Variants in MICU2 observed in about 807,000 individuals in gnomAD.
The protein encoded by MICU2 is mitochondrial calcium uptake 2.
In MICU2, 64 loss-of-function variants were observed where a neutral mutation model predicts 60.4. That is an observed-to-expected ratio of 1.06 (90% CI 0.87 to 1.31). The LOEUF (loss-of-function observed/expected upper bound fraction) is 1.31. Among genes scored for constraint, MICU2 ranks in the 50% most tolerant of loss-of-function variants. MICU2 has a pLI of 0.00. For synonymous variants in MICU2, 201 were observed against 175.0 expected (o/e 1.15, Z -1.17); for missense variants, 569 against 531.0 (o/e 1.07, Z -0.70).
intron 1 of MICU2, among the ~76,000 whole-genome samples, chr13:21,575,255 A>C (rs1027822321): frequency 6.6e-6 from 1 of 152,136 alleles, no homozygotes; most frequent in Non-Finnish European, 1.5e-5. Context: ...CTGATGAGTA[A>C]ATAAACAAGC....
chr13:21,516,259 T>A (rs1886567817), intron 6 of MICU2, among the ~76,000 whole-genome samples: 1 of 152,280 alleles, frequency 6.6e-6, no homozygotes, highest in Admixed American at 6.5e-5. Context: ...CAGTTCTGAT[T>A]TTTTTCCCCA....
intron 2 of MICU2, among the ~76,000 whole-genome samples, chr13:21,559,387 A>C (rs544832191): frequency 6.6e-6 from 1 of 152,266 alleles, no homozygotes; most frequent in Non-Finnish European, 1.5e-5. Context: ...TTACACATAT[A>C]TCCCACTGCA....
chr13:21,517,530 C>T (rs1886599466), intron 6 of MICU2, among the ~76,000 whole-genome samples: 1 of 152,144 alleles, frequency 6.6e-6, no homozygotes, highest in Admixed American at 6.5e-5. Context: ...AATCCCAGCA[C>T]TTTGGGAGGC....
At chr13:21,551,574 C>T (rs1593340296) in intron 2 of MICU2, among the ~76,000 whole-genome samples, 1 of 142,944 alleles carries the variant, frequency 7.0e-6, no homozygotes, top group South Asian at 2.4e-4. Flanking sequence ...TCTCCTAATG[C>T]TATCCCTCCC....
chr13:21,576,542 T>C (rs1199806154), intron 1 of MICU2, among the ~76,000 whole-genome samples: 2 of 152,214 alleles, frequency 1.3e-5, no homozygotes, highest in East Asian at 1.9e-4. Flanking sequence ...CTATCCCTTC[T>C]TGGGGAACAG....
chr13:21,569,577 T>C (rs1313358087), intron 1 of MICU2, among the ~76,000 whole-genome samples: 3 of 152,022 alleles, frequency 2.0e-5, no homozygotes, highest in African/African-American at 7.3e-5. Flanking sequence ...ATTGAGCATT[T>C]ACTAATTTGA....
chr13:21,550,521 G>A (rs1461203861), intron 2 of MICU2, among the ~76,000 whole-genome samples: 1 of 152,194 alleles, frequency 6.6e-6, no homozygotes, highest in Non-Finnish European at 1.5e-5. Flanking sequence ...TTGGACCACA[G>A]AGTAAGACGC....
intron 8 of MICU2, among the ~76,000 whole-genome samples, chr13:21,504,897 G>T (rs1399221906): frequency 6.6e-6 from 1 of 152,132 alleles, no homozygotes; most frequent in Non-Finnish European, 1.5e-5. Context: ...TGAGACAGAT[G>T]ATTGTTAAAC....
intron 2 of MICU2, among the ~76,000 whole-genome samples, chr13:21,552,485 T>A (rs1217035924): frequency 6.6e-6 from 1 of 152,256 alleles, no homozygotes; most frequent in Non-Finnish European, 1.5e-5. Context: ...TTTGGTGTTT[T>A]AGACATGAAG....
chr13:21,544,279 G>A (rs1412851571), intron 2 of MICU2, among the ~76,000 whole-genome samples: 1 of 151,894 alleles, frequency 6.6e-6, no homozygotes, highest in Non-Finnish European at 1.5e-5. Flanking sequence ...GACCTCAAAA[G>A]CACAGACAAC....
chr13:21,495,932 T>C, intron 10 of MICU2, 120 bp downstream of exon 10: 1 of 653,884 alleles, frequency 1.5e-6, no homozygotes, highest in South Asian at 2.1e-5. Flanking sequence ...CACACTGAAT[T>C]AAAAGGTCAA....
At chr13:21,495,890 C>T (rs547357732) in intron 10 of MICU2, 162 bp downstream of exon 10, 1 of 556,494 alleles carries the variant, frequency 1.8e-6, no homozygotes, top group South Asian at 2.5e-5. Flanking sequence ...AACCATTAAA[C>T]TGGAGTACTG....
chr13:21,560,868 G>C (rs1393279697), intron 2 of MICU2, among the ~76,000 whole-genome samples: 1 of 152,128 alleles, frequency 6.6e-6, no homozygotes, highest in Non-Finnish European at 1.5e-5. Flanking sequence ...ATATTATATT[G>C]ATTTGATTCA....
intron 2 of MICU2, among the ~76,000 whole-genome samples, chr13:21,554,735 A>G (rs1450583474): frequency 1.3e-5 from 2 of 152,320 alleles, no homozygotes; most frequent in East Asian, 3.9e-4. Flanking sequence ...TGAATCCAGG[A>G]GCTGGTTTTT....
intron 2 of MICU2, among the ~76,000 whole-genome samples, chr13:21,557,364 A>G (rs149504039): frequency 1.3e-5 from 2 of 152,332 alleles, no homozygotes; most frequent in African/African-American, 4.8e-5. Context: ...TGGCTAGATA[A>G]GCTAGGTCTC....
chr13:21,532,478 G>A (rs1345609913), intron 4 of MICU2, among the ~76,000 whole-genome samples: 2 of 152,096 alleles, frequency 1.3e-5, no homozygotes, highest in Non-Finnish European at 2.9e-5. Context: ...TCTCTCACGA[G>A]ATAGAGAATT....
rs778534350 is a variant in MICU2 at position 21,506,777 on chromosome 13, C to G, written c.761+3227G>C. On this transcript the variant is annotated intron_variant, in intron 8 of 11. Transcript: ENST00000382374. Reference sequence around the variant, plus strand: ...GAATCTCACCTATATTCCTGTACTTCCCTCCCTTCAGGGACCTTGCTCTTC... The same window carrying G: ...GAATCTCACCTATATTCCTGTACTTGCCTCCCTTCAGGGACCTTGCTCTTC... Among the ~76,000 whole-genome samples the G allele has an allele frequency of 3.0e-4, 46 of 152,318 alleles. No individual in the cohort carries two copies. In the Middle Eastern group the frequency reaches 0.014, roughly 45 times the overall value.
chr13:21,524,209 A>G (rs928825702), intron 4 of MICU2, among the ~76,000 whole-genome samples: 2 of 152,200 alleles, frequency 1.3e-5, no homozygotes, highest in Admixed American at 6.5e-5. Context: ...GAAAACTTCA[A>G]TCATATGCAA....
At chr13:21,570,305 T>TA (rs34533966) in intron 1 of MICU2, among the ~76,000 whole-genome samples, 27,553 of 152,246 alleles carry the variant, frequency 0.18, 3,338 homozygotes, top group Non-Finnish European at 0.28. Context: ...AGTAGAATTT[T>TA]AAAAGTACAT....
Sources: allele counts gnomAD v4.1 joint callset (sites outside exome capture counted in the v4.1 genomes callset), GRCh38; gene constraint gnomAD v4.1.1; transcripts MANE v1.5; gene names NCBI Gene and HGNC (gene_info 2026-07-23, HGNC 2026-07-21).